Variants in DNAH6 observed in about 807,000 individuals in gnomAD.
The protein encoded by DNAH6 is axonemal beta dynein heavy chain 6.
DNAH6 carries 340 observed loss-of-function variants against 491.4 expected under a neutral mutation model. The observed-to-expected ratio is 0.69, with a 90% CI of 0.63 to 0.76. The LOEUF is 0.76. DNAH6 is among the 30% of genes least tolerant of loss of function. DNAH6 has a pLI of 0.00. For synonymous variants in DNAH6, 1,603 were observed against 1,686.1 expected, an observed-to-expected ratio of 0.95 and a Z score of 1.21; for missense variants, 4,443 against 4,972.2, an observed-to-expected ratio of 0.89 and a Z score of 3.20.
At chr2:84,508,529 C>A in the DNAH6 span, among the ~76,000 whole-genome samples, 1 of 152,146 alleles carries the variant, frequency 6.6e-6, no homozygotes, top group East Asian at 1.9e-4. Flanking sequence ...CTCCAGGATT[C>A]ATTGATTTTT....
At chr2:84,468,965 A>G in the DNAH6 span, among the ~76,000 whole-genome samples, 1 of 152,106 alleles carries the variant, frequency 6.6e-6, no homozygotes, top group Non-Finnish European at 1.5e-5. Flanking sequence ...CCTGCAGCCA[A>G]GTTTGTTACT....
At chr2:84,626,214 A>G (rs939197974) in intron 29 of DNAH6, among the ~76,000 whole-genome samples, 4 of 152,006 alleles carry the variant, frequency 2.6e-5, no homozygotes, top group African/African-American at 4.8e-5. Context: ...CTATATTTTT[A>G]TGTACCCACT....
chr2:84,678,159 A>T (rs1386826450), intron 41 of DNAH6, among the ~76,000 whole-genome samples: 3 of 152,236 alleles, frequency 2.0e-5, no homozygotes, highest in African/African-American at 7.2e-5. Context: ...TTTTTAATAA[A>T]TTGAAGTAGT....
the DNAH6 span, among the ~76,000 whole-genome samples, chr2:84,473,661 T>G: frequency 6.6e-6 from 1 of 152,350 alleles, no homozygotes; most frequent in Admixed American, 6.5e-5. Context: ...CCAATTAATG[T>G]CTCCTAATAA....
At chr2:84,686,330 G>A (rs1694252651) in intron 43 of DNAH6, among the ~76,000 whole-genome samples, 154 bp from the exon 44 acceptor site, 2 of 152,092 alleles carry the variant, frequency 1.3e-5, no homozygotes, top group South Asian at 4.2e-4. Flanking sequence ...CTAAACTAAA[G>A]CGGCATGGAG....
intron 37 of DNAH6, among the ~76,000 whole-genome samples, chr2:84,665,416 A>T (rs1386958836): frequency 6.6e-6 from 1 of 152,202 alleles, no homozygotes; most frequent in Admixed American, 6.5e-5. Flanking sequence ...GATAAAGTGG[A>T]TATCACCACC....
intron 68 of DNAH6, among the ~76,000 whole-genome samples, chr2:84,795,969 A>G (rs1189761046): frequency 6.6e-6 from 1 of 152,240 alleles, no homozygotes; most frequent in African/African-American, 2.4e-5. Context: ...TGTATGTTTT[A>G]GAATACTGCA....
chr2:84,572,606 G>C (rs1000267397), intron 11 of DNAH6, among the ~76,000 whole-genome samples: 1 of 152,090 alleles, frequency 6.6e-6, no homozygotes, highest in Non-Finnish European at 1.5e-5. Flanking sequence ...AAACATACAG[G>C]GTGTGTGCTA....
chr2:84,588,941 A>G lies in DNAH6; in HGVS notation c.2597A>G (p.Gln866Arg). 1 of 1,545,786 alleles carries G rather than the reference A, an allele frequency of 6.5e-7. No homozygotes were observed. Among genetic ancestry groups the G allele is most frequent in the Non-Finnish European group, 8.7e-7 (1 of 1,145,384 alleles). ...CGTGCATTTCAGTATAAGTCCTATCAGAAGAATTTTAAGGTAATGACAGTT... is the reference window on the plus strand; with the variant it reads ...CGTGCATTTCAGTATAAGTCCTATCGGAAGAATTTTAAGGTAATGACAGTT... Reference protein sequence around the residue: ...QKRAFQYKSYQKNFKVEVSKF... With the variant: ...QKRAFQYKSYRKNFKVEVSKF... Residue 866 changes from glutamine to arginine, a missense_variant, in exon 16 of 77, where the codon CAG becomes CGG. By Grantham distance (43) the Gln-to-Arg change is conservative. Coordinates refer to ENST00000389394, the MANE Select transcript of DNAH6 (RefSeq NM_001370.2).
chr2:84,802,594 A>G (rs924293217), intron 70 of DNAH6, among the ~76,000 whole-genome samples: 4 of 152,056 alleles, frequency 2.6e-5, no homozygotes, highest in Non-Finnish European at 4.4e-5. Flanking sequence ...CAGCCGCACA[A>G]TAATCAGAGG....
chr2:84,559,648 T>C (rs1347362178), intron 11 of DNAH6, among the ~76,000 whole-genome samples: 2 of 152,112 alleles, frequency 1.3e-5, no homozygotes, highest in Non-Finnish European at 2.9e-5. Context: ...AACAGAATGC[T>C]CTTGAACTAA....
At chr2:84,574,557 C>A (rs1216278971) in intron 12 of DNAH6, among the ~76,000 whole-genome samples, 1 of 152,112 alleles carries the variant, frequency 6.6e-6, no homozygotes, top group African/African-American at 2.4e-5. Context: ...CTGAAACTGA[C>A]TCCTTTTTTT....
the DNAH6 span, chr2:84,460,176 A>T: frequency 1.3e-5 from 2 of 152,220 alleles, no homozygotes; most frequent in Non-Finnish European, 2.9e-5. Flanking sequence ...TTGCAATCCT[A>T]ATTTACTTAG....
rs1177912265 is a variant in DNAH6 at position 84,706,881 on chromosome 2, G to T, written c.8728-15G>T. 6.5e-7 allele frequency: 1 copy of T among 1,531,478 alleles called. No homozygotes were observed. Among genetic ancestry groups the T allele is most frequent in the Admixed American group, 2.3e-5 (1 of 44,352 alleles). 94.9% of individuals were successfully genotyped at this position (1,531,478 alleles called of 1,614,324 possible). ...TTTTTGGCCCTGTTCTTAAACAGTT[G>T]CTTGATTTTATTAGGCTGAACTTGA... is the stretch of plus-strand genomic sequence containing the variant. On this transcript the variant is annotated splice_polypyrimidine_tract_variant and intron_variant, in intron 52 of 76. Coordinates refer to ENST00000389394, the MANE Select transcript of DNAH6 (RefSeq NM_001370.2).
chr2:84,817,484 C>T (rs1680602643), intron 76 of DNAH6, among the ~76,000 whole-genome samples: 1 of 152,106 alleles, frequency 6.6e-6, no homozygotes, highest in Admixed American at 6.6e-5. Flanking sequence ...ATCCAGCTGT[C>T]TAGCCAGGTG....
rs778301434 is a variant in DNAH6 at position 84,715,628 on chromosome 2, G to C, written c.9611+1G>C. On this transcript the variant is annotated splice_donor_variant, in intron 58 of 76. Coordinates refer to ENST00000389394, the MANE Select transcript of DNAH6 (RefSeq NM_001370.2). LOFTEE classifies it high-confidence loss of function. ...CAGGCCTGGAGGATCAGTTGTTAAG[G>C]TAAAAAAACAGGGAGTTGAGGGGAG... The C allele has an allele frequency of 6.4e-7, 1 of 1,550,988 alleles. No homozygotes were observed. Among genetic ancestry groups the C allele is most frequent in the Admixed American group, 2.0e-5 (1 of 50,980 alleles).
In DNAH6 at chr2:84,528,926, T is replaced by C; in HGVS notation, c.422T>C (p.Val141Ala). 1 of 1,550,446 alleles carries C rather than the reference T, an allele frequency of 6.4e-7. No homozygotes were observed. Among genetic ancestry groups the C allele is most frequent in the South Asian group, 1.2e-5 (1 of 83,964 alleles). ...TAGATTCATCGGCCCTATGTTGAGGTGTTCTCTCCCTCTCCTCCTAAACTG... is the reference window on the plus strand; with the variant it reads ...TAGATTCATCGGCCCTATGTTGAGGCGTTCTCTCCCTCTCCTCCTAAACTG... The part of the protein sequence containing the change: ...KMQIHRPYVE[V>A]FSPSPPKLPH... The change falls in exon 4 of 77, where the codon GTG (valine) becomes GCG (alanine). Residue 141 changes from valine to alanine, a missense_variant. Transcript: ENST00000389394.
chr2:84,490,512 C>G, the DNAH6 span, among the ~76,000 whole-genome samples: 1 of 152,082 alleles, frequency 6.6e-6, no homozygotes, highest in South Asian at 2.1e-4. Context: ...GACCTATTTT[C>G]TATTGCTATA....
In DNAH6 at chr2:84,674,076, C is replaced by T. The variant is rs1235106249; in HGVS notation, c.6612+1592C>T. The stretch of plus-strand genomic sequence containing the variant: ...ACCAACACCCTTGACAAGAAAAGGG[C>T]GGGGGGCATGTTTCGTTTTGCTCAC... On this transcript the variant is annotated intron_variant, in intron 40 of 76. Transcript: ENST00000389394. 3.3e-5 allele frequency among the ~76,000 whole-genome samples: 5 copies of T among 152,206 alleles called. No individual in the cohort carries two copies. In the East Asian group the frequency reaches 5.8e-4, roughly 18 times the overall value.
Sources: gnomAD v4.1 joint callset for allele counts (sites outside exome capture counted in the v4.1 genomes callset) on GRCh38, gnomAD v4.1.1 for gene constraint, MANE v1.5 for transcripts, NCBI Gene and HGNC (gene_info 2026-07-23, HGNC 2026-07-21) for gene names.